The following HSD17B6 variants were observed in gnomAD, a reference collection of about 807,000 sequenced individuals.
The protein encoded by HSD17B6 is hydroxysteroid 17-beta dehydrogenase 6.
In HSD17B6, 16 loss-of-function variants were observed where a neutral mutation model predicts 26.4. That is an observed-to-expected ratio of 0.61 (90% CI 0.41 to 0.92). The LOEUF is 0.92. Ranked by LOEUF, HSD17B6 falls within the 40% of genes least tolerant of loss-of-function variation. The pLI is 0.00. For synonymous variants in HSD17B6, 139 were observed against 153.0 expected (o/e 0.91, Z 0.68); for missense variants, 357 against 386.1 (o/e 0.92, Z 0.63).
At chr12:56,785,154 A>T (rs1450989355) in intron 4 of HSD17B6, 138 bp downstream of exon 4, 1 of 890,598 alleles carries the variant, frequency 1.1e-6, no homozygotes, top group Non-Finnish European at 1.7e-6. Flanking sequence ...ATGGCTGGGG[A>T]GTCCTCAGGA....
chr12:56,787,109 C>T lies in HSD17B6; in HGVS notation c.737-16C>T. 1.3e-6 allele frequency: 2 copies of T among 1,588,148 alleles called. No individual in the cohort carries two copies. The highest frequency in any genetic ancestry group is 2.2e-5 in the East Asian group (1 of 44,760). On this transcript the variant is annotated splice_polypyrimidine_tract_variant and intron_variant, in intron 4 of 4. Coordinates refer to ENST00000322165, the MANE Select transcript of HSD17B6 (RefSeq NM_003725.4). ...GGAATAAGATTGTTGACCACCATTT[C>T]TTTTTTTGTATACAGTTTACAATAT...
Position 56,784,921 on chromosome 12 carries a change from C to A in HSD17B6, c.641C>A (p.Thr214Lys). 6.2e-7 allele frequency: 1 copy of A among 1,613,958 alleles called. No homozygotes were observed. The highest frequency in any genetic ancestry group is 8.5e-7 in the Non-Finnish European group (1 of 1,179,996). The change falls in exon 4 of 5, where the codon ACA (threonine) becomes AAA (lysine). Residue 214 changes from threonine (T) to lysine (K), a missense_variant. Thr to Lys is a moderately conservative substitution (Grantham distance 78). Transcript: ENST00000322165. ...VEPGYFRTGMTNMTQSLERMK... is the reference protein window; with the variant it reads ...VEPGYFRTGMKNMTQSLERMK... ...CCTGGCTACTTCAGAACGGGAATGA[C>A]AAACATGACACAGTCCTTAGAGCGA...
Position 56,772,589 on chromosome 12 carries a change from G to A in HSD17B6, c.-19-1245G>A, listed in dbSNP as rs550487313. Among the ~76,000 whole-genome samples the A allele has an allele frequency of 3.3e-3, 496 of 151,764 alleles. 3 individuals are homozygous for A. Among genetic ancestry groups the A allele is most frequent in the Middle Eastern group, 0.014 (4 of 294 alleles). ...CACGTGCCTGTAATCCCAGCTACTC[G>A]GGAGGCTGAGGCAAGGAGAATCACT... is the stretch of plus-strand genomic sequence containing the variant. On this transcript the variant is annotated intron_variant, in intron 1 of 4. Coordinates refer to ENST00000322165, the MANE Select transcript of HSD17B6 (RefSeq NM_003725.4).
rs1243348558 is a variant in HSD17B6 at position 56,782,202 on chromosome 12, A to G, written c.542A>G (p.Tyr181Cys). Residue 181 changes from tyrosine (Y) to cysteine (C), a missense_variant, in exon 3 of 5, where the codon TAT (tyrosine) becomes TGT (cysteine). Coordinates refer to ENST00000322165, the MANE Select transcript of HSD17B6 (RefSeq NM_003725.4). The stretch of plus-strand genomic sequence containing the variant: ...GTAGGAGGCTACTGTGTCTCCAAGT[A>G]TGGAGTGGAAGCCTTTTCAGATATT... ...FFVGGYCVSK[Y>C]GVEAFSDILR... 8.1e-6 allele frequency: 13 copies of G among 1,614,046 alleles called. No homozygotes were observed. The highest frequency in any genetic ancestry group is 5.0e-5 in the Admixed American group (3 of 60,012).
chr12:56,764,498 C>T (rs1592352505), intron 1 of HSD17B6, among the ~76,000 whole-genome samples: 1 of 152,148 alleles, frequency 6.6e-6, no homozygotes, highest in East Asian at 1.9e-4. Context: ...TGGTGTAATG[C>T]ACCAGATAAT....
intron 4 of HSD17B6, 111 bp downstream of exon 4, chr12:56,785,127 T>C: frequency 3.4e-6 from 4 of 1,179,386 alleles, no homozygotes. Flanking sequence ...AGAGGTTTAA[T>C]TGACTCACAG....
intron 1 of HSD17B6, among the ~76,000 whole-genome samples, chr12:56,766,369 G>C (rs1954329295): frequency 6.6e-6 from 1 of 152,186 alleles, no homozygotes. Context: ...ATTTATTAGT[G>C]CTCTGTACTT....
intron 2 of HSD17B6, among the ~76,000 whole-genome samples, chr12:56,778,735 C>A (rs1389174266): frequency 1.4e-5 from 2 of 145,162 alleles, no homozygotes; most frequent in African/African-American, 5.2e-5. Flanking sequence ...AGTGCAGTGG[C>A]GCAATCTCGG....
At chr12:56,773,418 C>T (rs1592362202) in intron 1 of HSD17B6, among the ~76,000 whole-genome samples, 2 of 152,330 alleles carry the variant, frequency 1.3e-5, no homozygotes, top group African/African-American at 4.8e-5. Context: ...ATGTTCTGCT[C>T]TGCACTCATG....
intron 3 of HSD17B6, among the ~76,000 whole-genome samples, chr12:56,782,741 G>C (rs562095356): frequency 3.3e-5 from 5 of 151,800 alleles, no homozygotes; most frequent in South Asian, 4.2e-4. Context: ...GGACACTAGT[G>C]GGGGGAAGGT....
At position 56,782,099 on chromosome 12, in the gene HSD17B6, A is replaced by G; in HGVS notation, c.439A>G (p.Ser147Gly). The change falls in exon 3 of 5, where the codon AGC becomes GGC. Residue 147 changes from serine (S) to glycine (G), a missense_variant. Physicochemically the swap from Ser to Gly is moderately conservative, Grantham distance 56 (BLOSUM62 0). Coordinates refer to ENST00000322165, the MANE Select transcript of HSD17B6 (RefSeq NM_003725.4). ...CATTGGTGTGATCCAGGTGACCTTG[A>G]GCATGCTTCCTTTGGTGAGGAGAGC... ...NLIGVIQVTL[S>G]MLPLVRRARG... 1 of 1,614,182 alleles carries G rather than the reference A, an allele frequency of 6.2e-7. No individual in the cohort carries two copies. Among genetic ancestry groups the G allele is most frequent in the Non-Finnish European group, 8.5e-7 (1 of 1,180,032 alleles).
chr12:56,781,757 C>T (rs1269813011), intron 2 of HSD17B6, among the ~76,000 whole-genome samples: 3 of 152,238 alleles, frequency 2.0e-5, no homozygotes, highest in East Asian at 1.9e-4. Flanking sequence ...GAGCTGAGAT[C>T]GTGCCACTGC....
At chr12:56,783,970 G>A (rs1456481708) in intron 3 of HSD17B6, among the ~76,000 whole-genome samples, 5 of 151,840 alleles carry the variant, frequency 3.3e-5, no homozygotes, top group African/African-American at 9.7e-5. Flanking sequence ...CGGGGCAGCC[G>A]GGCAGAGATG....
At chr12:56,786,652 C>A (rs1236832977) in intron 4 of HSD17B6, among the ~76,000 whole-genome samples, 1 of 152,140 alleles carries the variant, frequency 6.6e-6, no homozygotes, top group Non-Finnish European at 1.5e-5. Flanking sequence ...GAATTCAAGA[C>A]CAGCCTGGGC....
At chr12:56,785,181 A>G (rs1954850058) in intron 4 of HSD17B6, among the ~76,000 whole-genome samples, 165 bp downstream of exon 4, 1 of 152,178 alleles carries the variant, frequency 6.6e-6, no homozygotes, top group African/African-American at 2.4e-5. Flanking sequence ...TAATCATGGC[A>G]GAAGGCACCT....
intron 2 of HSD17B6, among the ~76,000 whole-genome samples, chr12:56,780,934 A>G (rs1954703510): frequency 6.6e-6 from 1 of 152,070 alleles, no homozygotes; most frequent in Non-Finnish European, 1.5e-5. Context: ...AAAACCAGAC[A>G]CAACAATAAA....
intron 1 of HSD17B6, among the ~76,000 whole-genome samples, chr12:56,773,044 A>C (rs1954512705): frequency 6.6e-6 from 1 of 152,188 alleles, no homozygotes; most frequent in Non-Finnish European, 1.5e-5. Context: ...ATTACTAAAA[A>C]ATGGTGGACT....
chr12:56,777,406 C>A (rs188091201), intron 2 of HSD17B6, among the ~76,000 whole-genome samples: 2 of 137,212 alleles, frequency 1.5e-5, no homozygotes, highest in Non-Finnish European at 3.0e-5. Context: ...CTCTTGTTGC[C>A]CCGGCTGGCG....
intron 3 of HSD17B6, among the ~76,000 whole-genome samples, chr12:56,782,662 T>A (rs1245650202): frequency 1.2e-5 from 1 of 81,422 alleles, no homozygotes; most frequent in African/African-American, 3.8e-5. Flanking sequence ...CCCAGCTAAT[T>A]TTTTTTTTTT....
Sources: allele counts gnomAD v4.1 joint callset (sites outside exome capture counted in the v4.1 genomes callset), GRCh38; gene constraint gnomAD v4.1.1; transcripts MANE v1.5; gene names NCBI Gene and HGNC (gene_info 2026-07-23, HGNC 2026-07-21).